Variants in JAK2 observed in about 807,000 individuals in gnomAD.
JAK2 encodes tyrosine-protein kinase JAK2.
Under a neutral mutation model 139.3 loss-of-function variants are expected in JAK2, and 86 were observed. The ratio of observed to expected loss-of-function variants is 0.62; its 90% confidence interval spans 0.52 to 0.74. The LOEUF (loss-of-function observed/expected upper bound fraction) is 0.74. JAK2 is among the 30% of genes least tolerant of loss of function. JAK2 has a pLI of 0.00. For synonymous variants in JAK2, 490 were observed against 437.7 expected (o/e 1.12, Z -1.49); for missense variants, 1,421 against 1,360.3 (o/e 1.04, Z -0.70).
At chr9:5,126,154 G>T in intron 23 of JAK2, 179 bp from the exon 24 acceptor site, 1 of 494,116 alleles carries the variant, frequency 2.0e-6, no homozygotes, top group East Asian at 3.3e-5. Context: ...GGAAATTATA[G>T]AAGTTCCATA....
chr9:5,076,080 A>G (rs1016709829), intron 14 of JAK2, among the ~76,000 whole-genome samples: 1 of 152,234 alleles, frequency 6.6e-6, no homozygotes, highest in East Asian at 1.9e-4. Flanking sequence ...AATTGCTACA[A>G]TCTCACGATA....
rs774709145 is a variant in JAK2, at chr9:5,080,657, G to A, written c.2408G>A (p.Arg803Gln). 5.6e-6 allele frequency: 9 copies of A among 1,596,322 alleles called. No homozygotes were observed. The highest frequency in any genetic ancestry group is 1.2e-5 in the South Asian group (1 of 86,566). ...DFRPSFRAII[R>Q]DLNSLFTPDY... ...AGGCCTTCTTTCAGAGCCATCATAC[G>A]AGATCTTAACAGTTTGTTTACTCCA... The change falls in exon 18 of 25, where the codon CGA (arginine) becomes CAA (glutamine). Residue 803 changes from arginine to glutamine, a missense_variant. Arg to Gln is a conservative substitution (Grantham distance 43). Coordinates refer to ENST00000381652, the MANE Select transcript of JAK2 (RefSeq NM_004972.4).
At chr9:5,085,435 G>A (rs1586761468) in intron 19 of JAK2, 4 of 743,922 alleles carry the variant, frequency 5.4e-6, no homozygotes, top group Middle Eastern at 4.8e-4. Flanking sequence ...TATCAGGCTC[G>A]CAGTATTCTT....
At chr9:5,098,592 T>C (rs1022394011) in intron 22 of JAK2, 3 of 152,206 alleles carry the variant, frequency 2.0e-5, no homozygotes, top group African/African-American at 7.2e-5. Flanking sequence ...GTATTCTGTA[T>C]AAAACAGATG....
At chr9:5,114,497 G>A in intron 22 of JAK2, 1 of 470,592 alleles carries the variant, frequency 2.1e-6, no homozygotes, top group Non-Finnish European at 4.2e-6. Context: ...CTCCCCCACA[G>A]GTCTACGTGT....
chr9:5,119,891 CAATGA>C (rs750097700), intron 22 of JAK2, among the ~76,000 whole-genome samples: 95 of 151,938 alleles, frequency 6.3e-4, no homozygotes, highest in Non-Finnish European at 1.1e-3. Context: ...ATATTTTATA[CAATGA>C]AATGAAGTTC....
intron 2 of JAK2, among the ~76,000 whole-genome samples, chr9:5,002,547 C>T (rs1169309197): frequency 6.6e-6 from 1 of 151,904 alleles, no homozygotes; most frequent in African/African-American, 2.4e-5. Context: ...TATGGACCAA[C>T]CTATGGTATA....
chr9:5,066,661 T>G lies in JAK2; in HGVS notation c.1215-17T>G. On this transcript the variant is annotated splice_polypyrimidine_tract_variant and intron_variant, in intron 9 of 24. Transcript: ENST00000381652. Reference sequence around the variant, plus strand: ...GTGCTTGATATATTATTCAAATTGCTTCTTCTTTACCTTTAGGATGGATTT... The same window carrying G: ...GTGCTTGATATATTATTCAAATTGCGTCTTCTTTACCTTTAGGATGGATTT... 1 of 1,398,722 alleles carries G rather than the reference T, an allele frequency of 7.1e-7. No homozygotes were observed. The allele number at this position is 1,398,722 out of a possible 1,614,324, so 86.6% of individuals were successfully genotyped here.
chr9:5,118,948 C>G (rs544824422), intron 22 of JAK2, among the ~76,000 whole-genome samples: 32 of 152,234 alleles, frequency 2.1e-4, no homozygotes, highest in Admixed American at 2.0e-3. Context: ...TACCAAAAAG[C>G]TTTTAAAATT....
At chr9:4,998,230 C>G (rs1480465431) in intron 2 of JAK2, among the ~76,000 whole-genome samples, 1 of 151,830 alleles carries the variant, frequency 6.6e-6, no homozygotes, top group African/African-American at 2.4e-5. Flanking sequence ...GAAATGAGAT[C>G]TTAAGGGAAA....
intron 22 of JAK2, 148 bp downstream of exon 22, chr9:5,091,059 G>C: frequency 1.7e-6 from 1 of 577,474 alleles, no homozygotes; most frequent in South Asian, 2.6e-5. Context: ...TTTTTTTTAG[G>C]TCTTATAGTC....
rs764920965 is a variant in JAK2 at position 5,078,201 on chromosome 9, A to G, written c.1993-105A>G. On this transcript the variant is annotated intron_variant, in intron 15 of 24. Coordinates refer to ENST00000381652, the MANE Select transcript of JAK2 (RefSeq NM_004972.4). ...ATGCATGCCTCCAAATTATTATACT[A>G]TCATGTATTTTTCTTCTTTAAATCT... 25 of 874,244 alleles carry G rather than the reference A, an allele frequency of 2.9e-5. 1 individual carries two copies. Among genetic ancestry groups the G allele is most frequent in the African/African-American group, 1.4e-4 (8 of 58,478 alleles). The allele number at this position is 874,244 out of a possible 1,614,324, so 54.2% of individuals were successfully genotyped here.
Position 5,080,297 on chromosome 9 carries a change from A to G in JAK2, c.2200A>G (p.Thr734Ala), listed in dbSNP as rs775223996. The G allele has an allele frequency of 2.5e-6, 4 of 1,613,274 alleles. No individual in the cohort carries two copies. The highest frequency in any genetic ancestry group is 3.4e-6 in the Non-Finnish European group (4 of 1,179,348). The change falls in exon 17 of 25, where the codon ACA (threonine) becomes GCA (alanine). Residue 734 changes from threonine (T) to alanine (A), a missense_variant. Thr to Ala is a moderately conservative substitution (Grantham distance 58). Transcript: ENST00000381652. ...AAATCCTAAAAATTTAAATTTGGCA[A>G]CAGACAAATGGAGTTTTGGTACCAC... ...IENPKNLNLA[T>A]DKWSFGTTLW...
intron 4 of JAK2, among the ~76,000 whole-genome samples, chr9:5,039,370 A>G (rs1045001443): frequency 6.6e-6 from 1 of 152,142 alleles, no homozygotes; most frequent in Non-Finnish European, 1.5e-5. Context: ...AACTATTTAC[A>G]TAACATTTAC....
rs202239447 is a variant in JAK2 at position 5,072,635 on chromosome 9, G to A, written c.1776+9G>A. ...ACAGAAACTATTCAGAGGTGTGTAT[G>A]TTCTTTATATTGTTCATGTAGTTTA... On this transcript the variant is annotated intron_variant, in intron 13 of 24. Transcript: ENST00000381652. 3 of 1,582,470 alleles carry A rather than the reference G, an allele frequency of 1.9e-6. No homozygotes were observed. In the East Asian group the frequency reaches 6.8e-5, roughly 36 times the overall value.
chr9:5,085,363 G>A (rs1820004961), intron 19 of JAK2: 1 of 905,512 alleles, frequency 1.1e-6, no homozygotes, highest in Non-Finnish European at 1.8e-6. Context: ...GTACTGATAG[G>A]TGATCTCATG....
At chr9:5,079,052 T>C (rs1201126177) in intron 16 of JAK2, among the ~76,000 whole-genome samples, 1 of 152,236 alleles carries the variant, frequency 6.6e-6, no homozygotes, top group East Asian at 1.9e-4. Flanking sequence ...TCTAAATTGA[T>C]CAATTTTTGT....
At chr9:5,090,692 TG>T (rs765682401) in intron 21 of JAK2, 46 bp from the exon 22 acceptor site, 3 of 1,546,098 alleles carry the variant, frequency 1.9e-6, no homozygotes, top group Non-Finnish European at 1.7e-6. Flanking sequence ...CCATTTAAAT[TG>T]TTTATATTTA....
At chr9:5,024,165 A>T (rs1822622517) in intron 3 of JAK2, among the ~76,000 whole-genome samples, 1 of 152,154 alleles carries the variant, frequency 6.6e-6, no homozygotes, top group African/African-American at 2.4e-5. Context: ...CTGAGGTGGG[A>T]GAATGGCATG....
Sources: gnomAD v4.1 joint callset for allele counts (sites outside exome capture counted in the v4.1 genomes callset) on GRCh38, gnomAD v4.1.1 for gene constraint, MANE v1.5 for transcripts, NCBI Gene and HGNC (gene_info 2026-07-23, HGNC 2026-07-21) for gene names.